The following PLB1 variants were observed in gnomAD, a reference collection of about 807,000 sequenced individuals.
The protein encoded by PLB1 is phospholipase B1, membrane-associated.
In PLB1, 242 loss-of-function variants were observed where a neutral mutation model predicts 227.4. That is an observed-to-expected ratio of 1.06 (90% CI 0.96 to 1.18). The LOEUF (loss-of-function observed/expected upper bound fraction) is 1.18. PLB1 is among the 50% of genes most tolerant of loss of function. The pLI, the probability that PLB1 is intolerant of heterozygous loss-of-function variation, is 0.00. For synonymous variants in PLB1, 757 were observed against 682.2 expected, an observed-to-expected ratio of 1.11 and a Z score of -1.71; for missense variants, 1,858 against 1,816.3, an observed-to-expected ratio of 1.02 and a Z score of -0.42.
intron 57 of PLB1, 27 bp downstream of exon 57, chr2:28,641,028 G>C (rs1271896241): frequency 6.2e-7 from 1 of 1,606,122 alleles, no homozygotes; most frequent in Non-Finnish European, 8.5e-7. Context: ...CCTGCCCCAG[G>C]TGGAACAGAT....
At position 28,547,217 on chromosome 2, in the gene PLB1, GA is replaced by G. The variant is rs753890664; in HGVS notation, c.937-1631del. Reference sequence around the variant, plus strand: ...ACCCTGTCTCCAAAAAAAAAAAAAAGAAAAAAAAAAAATTGGGGAAGAGAAG... The same window carrying G: ...ACCCTGTCTCCAAAAAAAAAAAAAAGAAAAAAAAAAATTGGGGAAGAGAAG... On this transcript the variant is annotated intron_variant, in intron 14 of 57. Transcript: ENST00000327757. Among the ~76,000 whole-genome samples, 784 of 124,656 alleles carry G rather than the reference GA, an allele frequency of 6.3e-3. 42 individuals are homozygous for G. Among genetic ancestry groups the G allele is most frequent in the African/African-American group, 7.7e-3 (254 of 33,166 alleles). 81.8% of individuals were successfully genotyped at this position (124,656 alleles called of 152,430 possible). A position where few individuals can be genotyped will look rare whatever the true frequency, so the allele number is the denominator to read the frequency against.
intron 17 of PLB1, among the ~76,000 whole-genome samples, chr2:28,561,378 G>A (rs965811060): frequency 6.6e-6 from 1 of 152,170 alleles, no homozygotes; most frequent in South Asian, 2.1e-4. Context: ...TCCTCAAAAA[G>A]ATAAGCATAG....
At chr2:28,563,131 G>A in intron 18 of PLB1, 32 bp downstream of exon 18, 1 of 1,592,230 alleles carries the variant, frequency 6.3e-7, no homozygotes, top group Non-Finnish European at 8.6e-7. Flanking sequence ...GGGGCAGGAG[G>A]GGAAAAGATT....
At chr2:28,551,263 G>A (rs887955207) in intron 16 of PLB1, among the ~76,000 whole-genome samples, 10 of 152,232 alleles carry the variant, frequency 6.6e-5, no homozygotes, top group African/African-American at 2.2e-4. Flanking sequence ...GGGGGCCCCT[G>A]ACGGGCGCTC....
chr2:28,554,092 G>A (rs56183461), intron 17 of PLB1, among the ~76,000 whole-genome samples: 138,781 of 152,240 alleles, frequency 0.91, 63,605 homozygotes, highest in East Asian at 0.99. Context: ...AATAGGGGAT[G>A]TAGATCTTAC....
At chr2:28,638,454 T>C (rs936172775) in intron 56 of PLB1, among the ~76,000 whole-genome samples, 3 of 152,032 alleles carry the variant, frequency 2.0e-5, no homozygotes, top group African/African-American at 4.8e-5. Context: ...TAGAGTGATA[T>C]GCTCTGGCTT....
intron 14 of PLB1, among the ~76,000 whole-genome samples, chr2:28,546,778 C>T (rs1017155190): frequency 6.6e-6 from 1 of 151,930 alleles, no homozygotes; most frequent in Non-Finnish European, 1.5e-5. Context: ...TTGGGAAAAT[C>T]TATGAATTTT....
chr2:28,515,241 T>C (rs778355826), intron 1 of PLB1, among the ~76,000 whole-genome samples: 21 of 152,270 alleles, frequency 1.4e-4, no homozygotes, highest in Non-Finnish European at 2.6e-4. Flanking sequence ...GGAGTGATGA[T>C]CACCTTAAAA....
At chr2:28,536,534 C>T (rs59338346) in intron 9 of PLB1, among the ~76,000 whole-genome samples, 39,314 of 152,070 alleles carry the variant, frequency 0.26, 5,493 homozygotes, top group East Asian at 0.56. Flanking sequence ...GAAACCTAAA[C>T]GTGTTTCTAG....
chr2:28,541,504 G>A (rs1672477458), intron 12 of PLB1, among the ~76,000 whole-genome samples: 2 of 152,202 alleles, frequency 1.3e-5, no homozygotes. Context: ...CCTAATGCTG[G>A]TACTTCAGAG....
intron 44 of PLB1, among the ~76,000 whole-genome samples, chr2:28,616,221 A>T (rs1215096219): frequency 6.6e-6 from 1 of 152,242 alleles, no homozygotes; most frequent in Admixed American, 6.5e-5. Flanking sequence ...CTAGAACAGC[A>T]GATTTTGAAT....
intron 1 of PLB1, among the ~76,000 whole-genome samples, chr2:28,508,048 C>T (rs1300260178): frequency 6.6e-6 from 1 of 152,210 alleles, no homozygotes; most frequent in African/African-American, 2.4e-5. Flanking sequence ...TACTGATCTA[C>T]AGACAGGGCA....
At position 28,566,850 on chromosome 2, in the gene PLB1, G is replaced by A. The variant is rs777883082; in HGVS notation, c.1324+11G>A. 1.2e-6 allele frequency: 2 copies of A among 1,613,252 alleles called. No homozygotes were observed. The highest frequency in any genetic ancestry group is 1.3e-5 in the African/African-American group (1 of 75,022). ...TTACCACCCTGGCGAGTGAGTACGC[G>A]GCGGCGGCCGGGATGTTTGGTTTGG... is the stretch of plus-strand genomic sequence containing the variant. On this transcript the variant is annotated intron_variant, in intron 20 of 57. Coordinates refer to ENST00000327757, the MANE Select transcript of PLB1 (RefSeq NM_153021.5).
At chr2:28,602,988 G>A in intron 39 of PLB1, 67 bp downstream of exon 39, 1 of 1,371,580 alleles carries the variant, frequency 7.3e-7, no homozygotes, top group Non-Finnish European at 1.0e-6. Context: ...CACATGCAGT[G>A]GTGATGCCTC....
At position 28,640,820 on chromosome 2, in the gene PLB1, C is replaced by T. The variant is rs1003514196; in HGVS notation, c.4099-107C>T. ...AACCAGCCACTTCGCTGGTTTCTAT[C>T]CCCCACCCCGTTCCCGAGGGAGGGG... On this transcript the variant is annotated intron_variant, in intron 56 of 57. Coordinates refer to ENST00000327757, the MANE Select transcript of PLB1 (RefSeq NM_153021.5). The T allele has an allele frequency of 5.9e-6, 7 of 1,183,374 alleles. No homozygotes were observed. In the African/African-American group the frequency reaches 7.8e-5, roughly 13 times the overall value. 73.3% of individuals were successfully genotyped at this position (1,183,374 alleles called of 1,614,324 possible).
At chr2:28,531,302 T>A (rs1670979527) in intron 8 of PLB1, among the ~76,000 whole-genome samples, 2 of 149,666 alleles carry the variant, frequency 1.3e-5, no homozygotes, top group African/African-American at 5.1e-5. Flanking sequence ...GTTTTTTGTT[T>A]TTTGTTTTGT....
At chr2:28,612,609 C>CT (rs34185578) in intron 43 of PLB1, among the ~76,000 whole-genome samples, 6,253 of 137,414 alleles carry the variant, frequency 0.046, 277 homozygotes, top group African/African-American at 0.11. Context: ...CTGGTTTTCC[C>CT]TTTTTTTTTT....
intron 17 of PLB1, among the ~76,000 whole-genome samples, chr2:28,559,038 A>AT (rs1675611011): frequency 6.6e-6 from 1 of 152,046 alleles, no homozygotes; most frequent in Admixed American, 6.6e-5. Flanking sequence ...TATTTATTTA[A>AT]TTTTTTACAG....
Position 28,565,370 on chromosome 2 carries a change from C to CAAGGCCCCA in PLB1, c.1280+26_1280+34dup. 6.3e-7 allele frequency: 1 copy of CAAGGCCCCA among 1,596,178 alleles called. No homozygotes were observed. Among genetic ancestry groups the CAAGGCCCCA allele is most frequent in the Non-Finnish European group, 8.5e-7 (1 of 1,170,604 alleles). ...GTCCTGGAGGTGAGTGAGGGTGTGG[C>CAAGGCCCCA]AAGGCCCCAAAGGCCCCTTCATTGC... On this transcript the variant is annotated intron_variant, in intron 19 of 57. Transcript: ENST00000327757.
Sources: gnomAD v4.1 joint callset for allele counts (sites outside exome capture counted in the v4.1 genomes callset) on GRCh38, gnomAD v4.1.1 for gene constraint, MANE v1.5 for transcripts, NCBI Gene and HGNC (gene_info 2026-07-23, HGNC 2026-07-21) for gene names.